The following ENOX1 variants were observed in gnomAD, a reference collection of about 807,000 sequenced individuals.
The protein encoded by ENOX1 is candidate growth-related and time keeping constitutive hydroquinone (NADH) oxidase.
A neutral mutation model predicts 82.5 loss-of-function variants in ENOX1; 42 were observed. That is an observed-to-expected ratio of 0.51 (90% CI 0.40 to 0.66). The LOEUF (loss-of-function observed/expected upper bound fraction) is 0.66, where lower values mean the gene tolerates loss of function less well. Among genes scored for constraint, ENOX1 ranks in the 30% least tolerant of loss-of-function variants. The pLI, the probability that ENOX1 is intolerant of heterozygous loss-of-function variation, is 0.00. For synonymous variants in ENOX1, 271 were observed against 282.2 expected, an observed-to-expected ratio of 0.96 and a Z score of 0.40; for missense variants, 608 against 811.6, an observed-to-expected ratio of 0.75 and a Z score of 3.05.
intron 2 of ENOX1, among the ~76,000 whole-genome samples, chr13:43,564,391 A>G (rs1262641022): frequency 6.6e-6 from 1 of 152,140 alleles, no homozygotes; most frequent in Non-Finnish European, 1.5e-5. Context: ...CCATAAATAT[A>G]TACACTATGT....
chr13:43,500,357 T>G (rs1005022140), intron 2 of ENOX1, among the ~76,000 whole-genome samples: 4 of 152,170 alleles, frequency 2.6e-5, no homozygotes, highest in African/African-American at 9.6e-5. Flanking sequence ...CTCACATATA[T>G]AAATCTCCAT....
At chr13:43,570,120 T>A (rs1274622369) in intron 2 of ENOX1, among the ~76,000 whole-genome samples, 1 of 152,174 alleles carries the variant, frequency 6.6e-6, no homozygotes, top group East Asian at 1.9e-4. Flanking sequence ...AAGGGAATAG[T>A]GATAATATTA....
At chr13:43,660,897 GA>G (rs1330221208) in intron 2 of ENOX1, among the ~76,000 whole-genome samples, 2 of 151,670 alleles carry the variant, frequency 1.3e-5, no homozygotes, top group African/African-American at 2.4e-5. Flanking sequence ...TGGCATAAGG[GA>G]AAAAAAAGCT....
intron 3 of ENOX1, among the ~76,000 whole-genome samples, chr13:43,446,771 T>A (rs919487590): frequency 2.0e-5 from 3 of 152,222 alleles, no homozygotes; most frequent in Admixed American, 6.5e-5. Context: ...CAAATTGTCC[T>A]TAACTCCCTC....
At chr13:43,555,831 G>T (rs1253918231) in intron 2 of ENOX1, among the ~76,000 whole-genome samples, 1 of 152,194 alleles carries the variant, frequency 6.6e-6, no homozygotes, top group Non-Finnish European at 1.5e-5. Flanking sequence ...TACTCTCTGG[G>T]TTGCACATTC....
intron 5 of ENOX1, among the ~76,000 whole-genome samples, chr13:43,388,248 A>C (rs771787074): frequency 1.3e-5 from 2 of 152,238 alleles, no homozygotes; most frequent in Non-Finnish European, 1.5e-5. Context: ...CAGTGGAATA[A>C]GCCAGAAGAC....
At position 43,236,673 on chromosome 13, in the gene ENOX1, GCTT is replaced by G. The variant is rs1566302728; in HGVS notation, c.1674_1676del (p.Arg558del). ...CTTCTTTCTCTGATTTTAAGCCTTG[GCTT>G]CTTTTCTCAATATTGTTCTCTCGGT... On this transcript the variant is annotated inframe_deletion, in exon 15 of 17. Transcript: ENST00000690772. The G allele has an allele frequency of 1.9e-6, 3 of 1,584,952 alleles. No individual in the cohort carries two copies. The highest frequency in any genetic ancestry group is 2.6e-6 in the Non-Finnish European group (3 of 1,171,994).
chr13:43,320,774 C>G (rs1593914370), intron 11 of ENOX1, among the ~76,000 whole-genome samples: 1 of 152,286 alleles, frequency 6.6e-6, no homozygotes, highest in African/African-American at 2.4e-5. Flanking sequence ...CAACTTGCCT[C>G]TCATCCAGAA....
chr13:43,692,348 C>T (rs1206772351), intron 1 of ENOX1, among the ~76,000 whole-genome samples: 1 of 151,926 alleles, frequency 6.6e-6, no homozygotes, highest in Non-Finnish European at 1.5e-5. Context: ...ATTTAATGGA[C>T]AATTTCTATA....
chr13:43,222,256 AAAT>A (rs2041826490), intron 16 of ENOX1, among the ~76,000 whole-genome samples: 1 of 152,108 alleles, frequency 6.6e-6, no homozygotes, highest in South Asian at 2.1e-4. Flanking sequence ...GGAACGTCAC[AAAT>A]CTTACCTGAG....
intron 14 of ENOX1, among the ~76,000 whole-genome samples, chr13:43,257,287 G>T (rs746331956): frequency 6.6e-6 from 1 of 152,116 alleles, no homozygotes; most frequent in African/African-American, 2.4e-5. Flanking sequence ...AGCTAAAAGA[G>T]AAGAATTTGA....
chr13:43,216,317 T>C (rs938738564), intron 16 of ENOX1, among the ~76,000 whole-genome samples: 1 of 152,218 alleles, frequency 6.6e-6, no homozygotes, highest in African/African-American at 2.4e-5. Context: ...AGGTGTGTAA[T>C]AGAAGTCATA....
At chr13:43,503,527 A>G (rs1186759755) in intron 2 of ENOX1, among the ~76,000 whole-genome samples, 4 of 151,746 alleles carry the variant, frequency 2.6e-5, no homozygotes. Context: ...CCTGGCATAA[A>G]AACAGGCATA....
intron 2 of ENOX1, among the ~76,000 whole-genome samples, chr13:43,642,311 A>C (rs1566691537): frequency 6.6e-6 from 1 of 152,144 alleles, no homozygotes; most frequent in African/African-American, 2.4e-5. Flanking sequence ...CAGCCATATC[A>C]AGAAAGAAAG....
intron 2 of ENOX1, among the ~76,000 whole-genome samples, chr13:43,579,246 T>C (rs557896997): frequency 3.3e-5 from 5 of 152,182 alleles, no homozygotes; most frequent in Admixed American, 3.3e-4. Flanking sequence ...GGATTTTCTA[T>C]CCTCTCAAAG....
chr13:43,531,062 C>T (rs985302327), intron 2 of ENOX1, among the ~76,000 whole-genome samples: 1 of 151,510 alleles, frequency 6.6e-6, no homozygotes, highest in African/African-American at 2.4e-5. Context: ...TACAAAAAAA[C>T]TAAAATAATA....
chr13:43,577,079 G>A (rs1250542923), intron 2 of ENOX1, among the ~76,000 whole-genome samples: 3 of 152,138 alleles, frequency 2.0e-5, no homozygotes. Context: ...AAGGGAATAA[G>A]TAGTAACTGC....
Position 43,670,851 on chromosome 13 carries a change from A to AAACAACAACAAC in ENOX1, c.-284-3319_-284-3308dup, listed in dbSNP as rs59254437. Among the ~76,000 whole-genome samples the AAACAACAACAAC allele has an allele frequency of 8.7e-3, 1,306 of 150,314 alleles. 22 individuals carry two copies. The highest frequency in any genetic ancestry group is 0.03 in the African/African-American group (1,225 of 40,784). ...GAGTGAGAGTCTATCTCAAACAACA[A>AAACAACAACAAC]AACAACAACAACAACAACAACAACA... On this transcript the variant is annotated intron_variant, in intron 1 of 16. Transcript: ENST00000690772.
chr13:43,733,120 G>A (rs1013508519), intron 1 of ENOX1, among the ~76,000 whole-genome samples: 7 of 152,010 alleles, frequency 4.6e-5, no homozygotes, highest in Admixed American at 4.6e-4. Flanking sequence ...CTTCATACCT[G>A]GATAACCAGA....
Sources: allele counts gnomAD v4.1 joint callset (sites outside exome capture counted in the v4.1 genomes callset), GRCh38; gene constraint gnomAD v4.1.1; transcripts MANE v1.5; gene names NCBI Gene and HGNC (gene_info 2026-07-23, HGNC 2026-07-21).